KAZN: variants seen among roughly 807,000 people sequenced by gnomAD.
The protein encoded by KAZN is kazrin, periplakin interacting protein, also known as kazrin.
Under a neutral mutation model 87.4 loss-of-function variants are expected in KAZN, and 40 were observed. That is an observed-to-expected ratio of 0.46 (90% confidence interval 0.36 to 0.60). The LOEUF is 0.60. Among genes scored for constraint, KAZN ranks in the 20% least tolerant of loss-of-function variants. The probability of loss-of-function intolerance (pLI) is 0.00; values close to 1 mark genes in which losing one functional copy is unlikely to be tolerated. For missense variants in KAZN, 898 were observed against 1,073.9 expected (o/e 0.84, Z 2.29); for synonymous variants, 466 against 458.3 (o/e 1.02, Z -0.22).
At chr1:14,583,626 G>A (rs2148566956) in intron 2 of KAZN, among the ~76,000 whole-genome samples, 1 of 152,326 alleles carries the variant, frequency 6.6e-6, no homozygotes, top group South Asian at 2.1e-4. Context: ...AAGCTTGGGT[G>A]AGGCAGGCCC....
chr1:14,025,057 T>C (rs1641009062), intron 1 of KAZN, among the ~76,000 whole-genome samples: 1 of 152,206 alleles, frequency 6.6e-6, no homozygotes, highest in Non-Finnish European at 1.5e-5. Context: ...TTGGAACAAT[T>C]TCCCTGTCCT....
intron 2 of KAZN, among the ~76,000 whole-genome samples, chr1:14,995,372 G>C (rs960943711): frequency 1.7e-4 from 26 of 152,280 alleles, no homozygotes; most frequent in African/African-American, 5.3e-4. Flanking sequence ...CTATCATAAA[G>C]AGACTGGTAA....
rs140413145 is a variant in KAZN at position 14,488,087 on chromosome 1, A to G, written c.250-110896A>G. Among the ~76,000 whole-genome samples the G allele has an allele frequency of 6.8e-3, 1,041 of 152,310 alleles. 11 individuals are homozygous for G. The highest frequency in any genetic ancestry group is 0.024 in the African/African-American group (980 of 41,556). ...TTGGATGCTCAGCAAGTATTCATTA[A>G]ACTAATAACTTACAACAGGGATCAT... On this transcript the variant is annotated intron_variant, in intron 2 of 16. Transcript: ENST00000636203.
intron 1 of KAZN, among the ~76,000 whole-genome samples, chr1:14,626,062 G>A (rs932272442): frequency 2.0e-5 from 3 of 152,224 alleles, no homozygotes; most frequent in African/African-American, 7.2e-5. Flanking sequence ...CACAGCTCAT[G>A]AGAATTCCTT....
At chr1:15,063,961 C>T (rs1639025030) in intron 7 of KAZN, among the ~76,000 whole-genome samples, 1 of 152,228 alleles carries the variant, frequency 6.6e-6, no homozygotes, top group African/African-American at 2.4e-5. Context: ...GCACCTGGGC[C>T]CGCCTGGCCC....
intron 1 of KAZN, among the ~76,000 whole-genome samples, chr1:14,823,346 G>A (rs1646790796): frequency 6.6e-6 from 1 of 152,166 alleles, no homozygotes; most frequent in African/African-American, 2.4e-5. Flanking sequence ...CCAGAGGAAG[G>A]AAGTTGTTGG....
intron 1 of KAZN, among the ~76,000 whole-genome samples, chr1:14,832,744 G>A (rs1360119016): frequency 2.6e-5 from 4 of 152,236 alleles, no homozygotes; most frequent in East Asian, 1.9e-4. Context: ...GACCAATCCC[G>A]CCACTTGATT....
intron 1 of KAZN, among the ~76,000 whole-genome samples, chr1:14,687,523 G>A (rs982844886): frequency 1.3e-5 from 2 of 152,222 alleles, no homozygotes; most frequent in African/African-American, 4.8e-5. Flanking sequence ...AAAAGCGTGT[G>A]TGCTCTGGGC....
chr1:14,763,068 C>A (rs1572418824), intron 1 of KAZN, among the ~76,000 whole-genome samples: 1 of 152,156 alleles, frequency 6.6e-6, no homozygotes, highest in Admixed American at 6.5e-5. Flanking sequence ...GACACCGAAT[C>A]TTGGTCTTAG....
chr1:14,277,394 A>G (rs915981267), intron 2 of KAZN, among the ~76,000 whole-genome samples: 2 of 152,182 alleles, frequency 1.3e-5, no homozygotes, highest in Non-Finnish European at 2.9e-5. Flanking sequence ...GGCCAGGCGC[A>G]GTGGCTCATG....
intron 1 of KAZN, among the ~76,000 whole-genome samples, chr1:13,929,746 A>G (rs1380613629): frequency 6.6e-6 from 1 of 152,206 alleles, no homozygotes; most frequent in East Asian, 1.9e-4. Context: ...ATTTTCTGGG[A>G]AAAGATCCAA....
chr1:15,075,327 T>C (rs1444140224), intron 8 of KAZN, among the ~76,000 whole-genome samples: 1 of 152,232 alleles, frequency 6.6e-6, no homozygotes, highest in Non-Finnish European at 1.5e-5. Flanking sequence ...CACTGCATCA[T>C]ATCTCCACCC....
At chr1:14,715,930 G>A (rs761780386) in intron 1 of KAZN, among the ~76,000 whole-genome samples, 4 of 152,188 alleles carry the variant, frequency 2.6e-5, no homozygotes, top group Non-Finnish European at 5.9e-5. Context: ...GGACGCTGGA[G>A]TGTTTCTAAG....
intron 1 of KAZN, among the ~76,000 whole-genome samples, chr1:14,827,395 AT>A (rs1646923840): frequency 1.3e-5 from 2 of 152,118 alleles, no homozygotes; most frequent in Non-Finnish European, 2.9e-5. Flanking sequence ...GTAGCCTTTT[AT>A]CCCTCACCTG....
At chr1:14,587,776 C>T (rs1241008030) in intron 2 of KAZN, among the ~76,000 whole-genome samples, 1 of 152,176 alleles carries the variant, frequency 6.6e-6, no homozygotes. Flanking sequence ...CCACCTTCAA[C>T]ACTGAGGATT....
At chr1:14,445,632 G>A (rs1666943279) in intron 2 of KAZN, among the ~76,000 whole-genome samples, 1 of 152,152 alleles carries the variant, frequency 6.6e-6, no homozygotes, top group Non-Finnish European at 1.5e-5. Flanking sequence ...CAACATGGTG[G>A]TCTGGGAAGC....
At chr1:14,878,215 C>T (rs1277923470) in intron 1 of KAZN, among the ~76,000 whole-genome samples, 1 of 152,174 alleles carries the variant, frequency 6.6e-6, no homozygotes, top group Admixed American at 6.5e-5. Flanking sequence ...GGCCACTTAT[C>T]ACCCCACAAC....
At chr1:14,472,069 G>A (rs957210295) in intron 2 of KAZN, among the ~76,000 whole-genome samples, 9 of 152,070 alleles carry the variant, frequency 5.9e-5, no homozygotes, top group African/African-American at 2.2e-4. Context: ...TCAATAGATG[G>A]CACTTTCTTG....
chr1:13,924,412 C>T (rs781547149), intron 1 of KAZN, among the ~76,000 whole-genome samples: 1 of 152,026 alleles, frequency 6.6e-6, no homozygotes, highest in Middle Eastern at 3.4e-3. Flanking sequence ...TAATTCTAGG[C>T]GGTATAGTTC....
Sources: allele counts gnomAD v4.1 joint callset (sites outside exome capture counted in the v4.1 genomes callset), GRCh38; gene constraint gnomAD v4.1.1; transcripts MANE v1.5; gene names NCBI Gene and HGNC (gene_info 2026-07-23, HGNC 2026-07-21).